FRMPD4: variants seen among roughly 807,000 people sequenced by gnomAD.
FRMPD4 encodes FERM and PDZ domain containing 4, also known as FERM and PDZ domain-containing protein 4.
Under a neutral mutation model 94.1 loss-of-function variants are expected in FRMPD4, and 22 were observed. That is an observed-to-expected ratio of 0.23 (90% CI 0.17 to 0.33). The LOEUF is 0.33. FRMPD4 is among the 10% of genes least tolerant of loss of function. The pLI is 1.00. For missense variants in FRMPD4, 1,111 were observed against 1,339.9 expected (o/e 0.83, Z 2.67); for synonymous variants, 631 against 548.6 (o/e 1.15, Z -2.10).
At chrX:12,453,937 C>G (rs767730072) in intron 1 of FRMPD4, among the ~76,000 whole-genome samples, 3 of 112,293 alleles carry the variant, frequency 2.7e-5, no homozygotes, top group Non-Finnish European at 5.6e-5. Flanking sequence ...TTTTATTCTT[C>G]TGTTTTATCG....
chrX:11,967,527 C>T (rs571292521), intron 3 of FRMPD4, among the ~76,000 whole-genome samples: 3 of 112,003 alleles, frequency 2.7e-5, no homozygotes, highest in South Asian at 7.4e-4. Context: ...TATGCTTTTG[C>T]ATTTGTAAAT....
At chrX:11,837,971 C>T (rs2053511213) in intron 1 of FRMPD4, among the ~76,000 whole-genome samples, 2 of 111,095 alleles carry the variant, frequency 1.8e-5, no homozygotes, top group African/African-American at 6.5e-5. Context: ...GGAATAAGAC[C>T]CCCAACATGA....
chrX:12,667,446 T>C (rs1487174516), intron 4 of FRMPD4, among the ~76,000 whole-genome samples: 1 of 112,316 alleles, frequency 8.9e-6, no homozygotes, highest in African/African-American at 3.2e-5. Flanking sequence ...TTTAAGTTGG[T>C]CTAGAAAGAA....
At chrX:12,415,589 C>T (rs1317815044) in intron 1 of FRMPD4, among the ~76,000 whole-genome samples, 1 of 111,778 alleles carries the variant, frequency 8.9e-6, no homozygotes, top group East Asian at 2.8e-4. Context: ...ACAAGGCTCT[C>T]ACCAATACTA....
chrX:11,948,993 T>C (rs747003038), intron 3 of FRMPD4, among the ~76,000 whole-genome samples: 1 of 111,959 alleles, frequency 8.9e-6, no homozygotes, highest in African/African-American at 3.2e-5. Flanking sequence ...TAGATATTTG[T>C]AGGTTAATCA....
intron 1 of FRMPD4, among the ~76,000 whole-genome samples, chrX:12,207,000 T>C (rs904683000): frequency 1.8e-5 from 2 of 112,192 alleles, no homozygotes; most frequent in African/African-American, 6.5e-5. Context: ...AATAGACTCT[T>C]ATAATGATCC....
intron 1 of FRMPD4, among the ~76,000 whole-genome samples, chrX:12,350,708 C>A (rs1440132289): frequency 8.9e-6 from 1 of 112,253 alleles, no homozygotes; most frequent in African/African-American, 3.2e-5. Context: ...TGGAGGTGAG[C>A]AAGGAAAATC....
intron 1 of FRMPD4, among the ~76,000 whole-genome samples, chrX:12,442,476 C>T (rs184073406): frequency 2.7e-5 from 3 of 111,567 alleles, no homozygotes; most frequent in Admixed American, 1.9e-4. Context: ...CTGTAAAGAC[C>T]GTCTAATTCA....
upstream of FRMPD4, among the ~76,000 whole-genome samples, chrX:12,133,823 A>G (rs1233023531): frequency 1.8e-5 from 2 of 111,382 alleles, no homozygotes; most frequent in Admixed American, 1.9e-4. Flanking sequence ...ACTTCCCTCA[A>G]GAGTGGTCAT....
chrX:12,177,157 A>G lies in FRMPD4; in HGVS notation c.41+38145A>G, dbSNP rs758907664. Among the ~76,000 whole-genome samples the G allele has an allele frequency of 5.6e-4, 63 of 112,168 alleles. 1 individual carries two copies. The highest frequency in any genetic ancestry group is 1.9e-3 in the African/African-American group (59 of 30,918). On this transcript the variant is annotated intron_variant, in intron 1 of 16. Transcript: ENST00000675598. ...AGTGATTATGTGGAACTTAAAACCA[A>G]TTATTCATTCTAAAATATTAATTTT...
chrX:12,028,620 C>G, intron 3 of FRMPD4, among the ~76,000 whole-genome samples: 1 of 111,157 alleles, frequency 9.0e-6, no homozygotes, highest in Non-Finnish European at 1.9e-5. Flanking sequence ...CCTAAAAATC[C>G]TCTGTGTTCT....
At chrX:12,649,596 T>C (rs1398827027) in intron 4 of FRMPD4, among the ~76,000 whole-genome samples, 1 of 111,941 alleles carries the variant, frequency 8.9e-6, no homozygotes, top group Admixed American at 9.4e-5. Flanking sequence ...GGCACCTGGA[T>C]TCAAAGTATT....
At chrX:12,376,488 G>C (rs970129922) in intron 1 of FRMPD4, among the ~76,000 whole-genome samples, 2 of 112,804 alleles carry the variant, frequency 1.8e-5, no homozygotes, top group Non-Finnish European at 3.8e-5. Flanking sequence ...TTGAGCCCCA[G>C]AATCTACTAG....
At position 12,269,351 on chromosome X, in the gene FRMPD4, A is replaced by AT. The variant is rs200038036; in HGVS notation, c.41+130340dup. ...TGGCCTCAGATTCTTCATTAATAAA[A>AT]TAAAAAAAAAAATCTTCCTGGAAGC... On this transcript the variant is annotated intron_variant, in intron 1 of 16. Coordinates refer to ENST00000675598, the MANE Select transcript of FRMPD4 (RefSeq NM_001368397.1). Among the ~76,000 whole-genome samples the AT allele has an allele frequency of 1.1e-3, 88 of 77,198 alleles. 1 individual carries two copies. The highest frequency in any genetic ancestry group is 1.2e-3 in the Non-Finnish European group (52 of 42,190). The allele number at this position is 77,198 out of a possible 115,157, so 67.0% of individuals were successfully genotyped here.
intron 1 of FRMPD4, among the ~76,000 whole-genome samples, chrX:12,412,387 T>C (rs758930294): frequency 8.9e-6 from 1 of 112,299 alleles, no homozygotes; most frequent in South Asian, 3.7e-4. Flanking sequence ...AGATGATCAG[T>C]ATCTGAGGTT....
At chrX:12,536,066 G>GATATATAT (rs10539431) in intron 2 of FRMPD4, among the ~76,000 whole-genome samples, 2 of 95,175 alleles carry the variant, frequency 2.1e-5, no homozygotes, top group Non-Finnish European at 4.2e-5. Flanking sequence ...AATATATAAG[G>GATATATAT]ATATATATAT....
rs746643116 is a variant in FRMPD4, at chrX:12,653,138, G to A, written c.423-21725G>A. Among the ~76,000 whole-genome samples, 4 of 111,908 alleles carry A rather than the reference G, an allele frequency of 3.6e-5. No individual in the cohort carries two copies. The South Asian group carries it at 1.5e-3, about 42-fold the overall frequency. On this transcript the variant is annotated intron_variant, in intron 4 of 16. Transcript: ENST00000675598. Reference sequence around the variant, plus strand: ...GCCTTGTTTCCTCATCAGTAAAATGGGGATAATAATATTACCTATCTCACA... The same window carrying A: ...GCCTTGTTTCCTCATCAGTAAAATGAGGATAATAATATTACCTATCTCACA...
At chrX:12,287,087 G>A (rs2054612989) in intron 1 of FRMPD4, among the ~76,000 whole-genome samples, 1 of 112,347 alleles carries the variant, frequency 8.9e-6, no homozygotes, top group Non-Finnish European at 1.9e-5. Context: ...TTCACTGAAT[G>A]TCTGATATGT....
intron 1 of FRMPD4, among the ~76,000 whole-genome samples, chrX:11,839,119 A>G (rs1369829212): frequency 2.7e-5 from 3 of 111,491 alleles, no homozygotes; most frequent in Non-Finnish European, 5.7e-5. Flanking sequence ...TAAGGGTTCT[A>G]GTTTCTCCAA....
Sources: allele counts gnomAD v4.1 joint callset (sites outside exome capture counted in the v4.1 genomes callset), GRCh38; gene constraint gnomAD v4.1.1; transcripts MANE v1.5; gene names NCBI Gene and HGNC (gene_info 2026-07-23, HGNC 2026-07-21).